The following ARHGEF3 variants were observed in gnomAD, a reference collection of about 807,000 sequenced individuals.
ARHGEF3 encodes 59.8 kDA protein.
A neutral mutation model predicts 63.2 loss-of-function variants in ARHGEF3; 28 were observed. The ratio of observed to expected loss-of-function variants is 0.44; its 90% confidence interval spans 0.33 to 0.61. ARHGEF3 has a LOEUF of 0.61. ARHGEF3 is among the 20% of genes least tolerant of loss of function. ARHGEF3 has a pLI of 0.03. For synonymous variants in ARHGEF3, 266 were observed against 254.2 expected, an observed-to-expected ratio of 1.05 and a Z score of -0.44; for missense variants, 533 against 659.3, an observed-to-expected ratio of 0.81 and a Z score of 2.10.
At chr3:56,797,568 G>T (rs970650678) in intron 1 of ARHGEF3, among the ~76,000 whole-genome samples, 3 of 152,152 alleles carry the variant, frequency 2.0e-5, no homozygotes, top group Non-Finnish European at 4.4e-5. Context: ...TATACTATCT[G>T]TTCAATACAA....
chr3:56,946,807 C>T (rs1699526909), intron 3 of ARHGEF3, among the ~76,000 whole-genome samples: 1 of 152,108 alleles, frequency 6.6e-6, no homozygotes, highest in Non-Finnish European at 1.5e-5. Context: ...AGAAGAGCAA[C>T]TCCAAGACAC....
intron 4 of ARHGEF3, among the ~76,000 whole-genome samples, chr3:56,847,093 G>C (rs1485391906): frequency 6.6e-6 from 1 of 152,122 alleles, no homozygotes; most frequent in Non-Finnish European, 1.5e-5. Context: ...CAGTGAATTA[G>C]AGTCAGAATA....
intron 3 of ARHGEF3, among the ~76,000 whole-genome samples, chr3:56,936,033 C>A (rs1046818874): frequency 7.9e-5 from 12 of 152,196 alleles, no homozygotes; most frequent in East Asian, 5.8e-4. Context: ...GTAGAGAAGC[C>A]CTTTTAAGAG....
chr3:56,749,259 C>T (rs1482207277), intron 6 of ARHGEF3, among the ~76,000 whole-genome samples: 6 of 152,208 alleles, frequency 3.9e-5, no homozygotes, highest in Admixed American at 6.5e-5. Context: ...AGCATGGTCA[C>T]ACTTCCTTTG....
intron 3 of ARHGEF3, among the ~76,000 whole-genome samples, chr3:56,935,256 A>G (rs1306322257): frequency 6.6e-6 from 1 of 152,102 alleles, no homozygotes; most frequent in Non-Finnish European, 1.5e-5. Context: ...CTCTGTATCT[A>G]ACTAATCTGA....
Position 56,917,005 on chromosome 3 carries a change from A to G in ARHGEF3, c.130-34651T>C, listed in dbSNP as rs185200523. ...TCCCTTTCAACTTTTGTCATGGATAACAAGAGGTCTTCCTGCTCAGAGCTA... is the reference window on the plus strand; with the variant it reads ...TCCCTTTCAACTTTTGTCATGGATAGCAAGAGGTCTTCCTGCTCAGAGCTA... On this transcript the variant is annotated intron_variant, in intron 3 of 12. Transcript: ENST00000338458. Among the ~76,000 whole-genome samples the G allele has an allele frequency of 2.6e-5, 4 of 152,324 alleles. No homozygotes were observed. In the East Asian group the frequency reaches 7.7e-4, roughly 29 times the overall value.
At chr3:56,750,543 A>G (rs1414452378) in intron 6 of ARHGEF3, among the ~76,000 whole-genome samples, 1 of 152,108 alleles carries the variant, frequency 6.6e-6, no homozygotes, top group Non-Finnish European at 1.5e-5. Context: ...CTACATTTTG[A>G]CCATGAGATT....
chr3:56,729,496 A>C lies in ARHGEF3; in HGVS notation c.1355T>G (p.Leu452Trp), dbSNP rs1364022830. 1 of 1,614,180 alleles carries C rather than the reference A, an allele frequency of 6.2e-7. No homozygotes were observed. Among genetic ancestry groups the C allele is most frequent in the African/African-American group, 1.3e-5 (1 of 75,044 alleles). ...NCIRQAKETV[L>W]CAAGQAGVLD... ...CACCCCAGCTTGCCCGGCAGCACAC[A>C]AAACTGTTTCTTTGGCTTGACGAAT... The change falls in exon 10 of 10, where the codon TTG becomes TGG. Residue 452 changes from leucine to tryptophan, a missense_variant. Leu to Trp is a moderately conservative substitution (Grantham distance 61). Transcript: ENST00000296315.
chr3:56,886,174 G>T (rs577026227), intron 3 of ARHGEF3, among the ~76,000 whole-genome samples: 1 of 152,312 alleles, frequency 6.6e-6, no homozygotes, highest in Admixed American at 6.5e-5. Flanking sequence ...TTATTTAATT[G>T]TTTTCTGGGT....
chr3:56,854,978 C>T (rs1405537978), intron 4 of ARHGEF3, among the ~76,000 whole-genome samples: 1 of 152,060 alleles, frequency 6.6e-6, no homozygotes, highest in Non-Finnish European at 1.5e-5. Flanking sequence ...GAGAGAAAGT[C>T]AATCTTATGT....
At chr3:56,900,453 C>T (rs941677288) in intron 3 of ARHGEF3, among the ~76,000 whole-genome samples, 1 of 152,154 alleles carries the variant, frequency 6.6e-6, no homozygotes, top group Non-Finnish European at 1.5e-5. Flanking sequence ...GCCTGGGCAA[C>T]ATGGCAGAAC....
chr3:56,886,561 CAT>C (rs1221863405), intron 3 of ARHGEF3, among the ~76,000 whole-genome samples: 1 of 152,208 alleles, frequency 6.6e-6, no homozygotes, highest in African/African-American at 2.4e-5. Flanking sequence ...GCCACGGAAA[CAT>C]AAACAAATGA....
At chr3:57,044,909 T>C (rs1016638084) in intron 1 of ARHGEF3, among the ~76,000 whole-genome samples, 1 of 152,194 alleles carries the variant, frequency 6.6e-6, no homozygotes, top group Non-Finnish European at 1.5e-5. Context: ...CTAGGGTTCT[T>C]GGAGGAGTTC....
chr3:56,738,362 G>C (rs764115193), intron 7 of ARHGEF3, among the ~76,000 whole-genome samples: 13 of 151,242 alleles, frequency 8.6e-5, no homozygotes, highest in Non-Finnish European at 1.8e-4. Context: ...TGGTAGAGAC[G>C]GGTTTCACCA....
At chr3:56,893,290 A>C (rs2041184016) in intron 3 of ARHGEF3, among the ~76,000 whole-genome samples, 2 of 152,042 alleles carry the variant, frequency 1.3e-5, no homozygotes, top group Non-Finnish European at 2.9e-5. Context: ...GGATCCTCCC[A>C]CCTTAGCCTC....
intron 1 of ARHGEF3, among the ~76,000 whole-genome samples, chr3:56,778,468 A>G (rs1354618856): frequency 6.6e-6 from 1 of 152,234 alleles, no homozygotes; most frequent in Non-Finnish European, 1.5e-5. Flanking sequence ...GTAAATAAAT[A>G]AGTGTGGCTA....
chr3:56,891,490 T>C (rs1260043614), intron 3 of ARHGEF3, among the ~76,000 whole-genome samples: 4 of 152,148 alleles, frequency 2.6e-5, no homozygotes, highest in African/African-American at 9.7e-5. Context: ...TACGGGGAAC[T>C]AAATTTTAAC....
intron 3 of ARHGEF3, among the ~76,000 whole-genome samples, chr3:56,887,172 C>T (rs1048737353): frequency 1.3e-5 from 2 of 152,286 alleles, no homozygotes; most frequent in Admixed American, 1.3e-4. Flanking sequence ...TCTCACTTGC[C>T]ATCCAGAATG....
chr3:56,857,868 T>C (rs1207561860), intron 4 of ARHGEF3, among the ~76,000 whole-genome samples: 1 of 152,236 alleles, frequency 6.6e-6, no homozygotes, highest in African/African-American at 2.4e-5. Flanking sequence ...TGCCCAGTTA[T>C]GCTTTAGCCT....
Sources: gnomAD v4.1 joint callset for allele counts (sites outside exome capture counted in the v4.1 genomes callset) on GRCh38, gnomAD v4.1.1 for gene constraint, MANE v1.5 for transcripts, NCBI Gene and HGNC (gene_info 2026-07-23, HGNC 2026-07-21) for gene names.